Variants in EDEM2 observed in about 807,000 individuals in gnomAD.
The protein encoded by EDEM2 is ER degradation enhancing alpha-mannosidase like protein 2.
Under a neutral mutation model 64.8 loss-of-function variants are expected in EDEM2, and 39 were observed. The ratio of observed to expected loss-of-function variants is 0.60; its 90% CI spans 0.47 to 0.79. EDEM2 has a LOEUF of 0.79. Among genes scored for constraint, EDEM2 ranks in the 30% least tolerant of loss-of-function variants. The pLI, the probability that EDEM2 is intolerant of heterozygous loss-of-function variation, is 0.00. For synonymous variants in EDEM2, 296 were observed against 291.5 expected (o/e 1.02, Z -0.16); for missense variants, 609 against 731.3 (o/e 0.83, Z 1.93).
chr20:35,122,770 T>C (rs1304720450), intron 9 of EDEM2, among the ~76,000 whole-genome samples: 1 of 152,220 alleles, frequency 6.6e-6, no homozygotes, highest in Admixed American at 6.5e-5. Context: ...AATTTGCTCT[T>C]TATTCCCTCT....
At chr20:35,120,226 C>G (rs1244508485) in intron 9 of EDEM2, among the ~76,000 whole-genome samples, 1 of 152,178 alleles carries the variant, frequency 6.6e-6, no homozygotes, top group Non-Finnish European at 1.5e-5. Context: ...CCAGCCCTGA[C>G]TAATTTTTGT....
At position 35,147,280 on chromosome 20, in the gene EDEM2, C is replaced by G; in HGVS notation, c.-22G>C. On this transcript the variant is annotated 5_prime_UTR_variant, in exon 1 of 11. Coordinates refer to ENST00000374492, the MANE Select transcript of EDEM2 (RefSeq NM_018217.3). Reference sequence around the variant, plus strand: ...GCATAGAGCTCGTGTCCTCTCAGCGCCCCCGCAGCAGCAGCAGCCACTGCA... The same window carrying G: ...GCATAGAGCTCGTGTCCTCTCAGCGGCCCCGCAGCAGCAGCAGCCACTGCA... 6.7e-7 allele frequency: 1 copy of G among 1,499,188 alleles called. No individual in the cohort carries two copies. The highest frequency in any genetic ancestry group is 8.9e-7 in the Non-Finnish European group (1 of 1,121,226). 92.9% of individuals were successfully genotyped at this position (1,499,188 alleles called of 1,614,324 possible). A position where few individuals can be genotyped will look rare whatever the true frequency, so the allele number is the denominator to read the frequency against.
At position 35,134,901 on chromosome 20, in the gene EDEM2, T is replaced by C; in HGVS notation, c.539A>G (p.His180Arg). The C allele has an allele frequency of 6.2e-7, 1 of 1,614,166 alleles. No homozygotes were observed. Among genetic ancestry groups the C allele is most frequent in the South Asian group, 1.1e-5 (1 of 91,082 alleles). ...GMPYGTVNLL[H>R]GVNPGETPVT... is the part of the protein sequence containing the mutation. ...AGGGGTCTCTCCTGGGTTCACGCCA[T>C]GAAGTAAGTTCACTGTTCCATATGG... Residue 180 changes from histidine (H) to arginine (R), a missense_variant, in exon 6 of 11, where the codon CAT (histidine) becomes CGT (arginine). Transcript: ENST00000374492.
In EDEM2 at chr20:35,126,391, T is replaced by C. The variant is rs747112085; in HGVS notation, c.845-16A>G. ...TTGTTATACTCTGCAGTGGGGGAGA[T>C]GGGATAATGGACATATGAGTGATTA... is the stretch of plus-strand genomic sequence containing the variant. On this transcript the variant is annotated splice_polypyrimidine_tract_variant and intron_variant, in intron 7 of 10. Coordinates refer to ENST00000374492, the MANE Select transcript of EDEM2 (RefSeq NM_018217.3). 4 of 1,612,900 alleles carry C rather than the reference T, an allele frequency of 2.5e-6. No homozygotes were observed. In the East Asian group the frequency reaches 8.9e-5, roughly 36 times the overall value.
At chr20:35,142,502 C>T in intron 3 of EDEM2, 24 bp from the exon 4 acceptor site, 1 of 1,565,828 alleles carries the variant, frequency 6.4e-7, no homozygotes, top group Non-Finnish European at 8.8e-7. Flanking sequence ...AGAGACCTGA[C>T]AATGAGGCTC....
At chr20:35,135,008 T>C (rs1229748697) in intron 5 of EDEM2, 59 bp from the exon 6 acceptor site, 1 of 1,548,250 alleles carries the variant, frequency 6.5e-7, no homozygotes, top group African/African-American at 1.4e-5. Flanking sequence ...ATAGTTCTGA[T>C]ACACGCCCAA....
Position 35,118,635 on chromosome 20 carries a change from A to G in EDEM2, c.1199T>C (p.Ile400Thr), listed in dbSNP as rs755830237. Reference sequence around the variant, plus strand: ...GCACTCCACCTTGCTGATTTTTTCAATGGATTCCACAGCATCTCTTCCGAG... The same window carrying G: ...GCACTCCACCTTGCTGATTTTTTCAGTGGATTCCACAGCATCTCTTCCGAG... ...LELGRDAVES[I>T]EKISKVECGF... is the part of the protein sequence containing the mutation. The change falls in exon 10 of 11, where the codon ATT becomes ACT. Residue 400 changes from isoleucine to threonine, a missense_variant. Ile to Thr is a moderately conservative substitution (Grantham distance 89). Coordinates refer to ENST00000374492, the MANE Select transcript of EDEM2 (RefSeq NM_018217.3). 2.5e-6 allele frequency: 4 copies of G among 1,614,024 alleles called. No homozygotes were observed. The highest frequency in any genetic ancestry group is 3.4e-6 in the Non-Finnish European group (4 of 1,179,984).
intron 4 of EDEM2, 101 bp from the exon 5 acceptor site, chr20:35,138,106 G>A: frequency 6.8e-7 from 1 of 1,472,704 alleles, no homozygotes. Context: ...CTCTATTGTG[G>A]GGCGCATGTT....
At chr20:35,137,085 T>C (rs115129220) in intron 5 of EDEM2, among the ~76,000 whole-genome samples, 95 of 152,208 alleles carry the variant, frequency 6.2e-4, no homozygotes, top group African/African-American at 2.3e-3. Context: ...GGTAGGGAAG[T>C]AGAAATTATG....
intron 7 of EDEM2, among the ~76,000 whole-genome samples, chr20:35,128,161 G>A (rs1473717019): frequency 2.0e-5 from 3 of 151,966 alleles, no homozygotes; most frequent in African/African-American, 4.8e-5. Flanking sequence ...CGAGGTGGGC[G>A]GATCACGAGG....
At chr20:35,141,117 C>T (rs1432712606) in intron 4 of EDEM2, among the ~76,000 whole-genome samples, 3 of 85,474 alleles carry the variant, frequency 3.5e-5, no homozygotes, top group Non-Finnish European at 6.3e-5. Context: ...GAGACTCCGC[C>T]TCAAAAAAAA....
At chr20:35,118,972 T>C (rs1009384222) in intron 9 of EDEM2, among the ~76,000 whole-genome samples, 1 of 152,186 alleles carries the variant, frequency 6.6e-6, no homozygotes, top group African/African-American at 2.4e-5. Context: ...GGTTCTGGCA[T>C]AGAGAAGGTG....
At chr20:35,145,488 G>A (rs924712206) in intron 2 of EDEM2, among the ~76,000 whole-genome samples, 22 of 152,152 alleles carry the variant, frequency 1.4e-4, no homozygotes, top group Non-Finnish European at 2.4e-4. Context: ...CAAAAAGATT[G>A]TTATCAAGAC....
At chr20:35,142,711 G>A (rs1284096594) in intron 3 of EDEM2, among the ~76,000 whole-genome samples, 4 of 152,154 alleles carry the variant, frequency 2.6e-5, no homozygotes, top group African/African-American at 7.2e-5. Context: ...TCACGATGTT[G>A]TCATTTAAAT....
intron 2 of EDEM2, among the ~76,000 whole-genome samples, chr20:35,145,503 A>C (rs1183220328): frequency 6.6e-6 from 1 of 152,250 alleles, no homozygotes; most frequent in Non-Finnish European, 1.5e-5. Context: ...CAAGACTTCT[A>C]TGTGCTGATG....
intron 8 of EDEM2, 105 bp from the exon 9 acceptor site, chr20:35,124,139 A>T (rs1230873824): frequency 7.1e-7 from 1 of 1,403,282 alleles, no homozygotes; most frequent in East Asian, 2.3e-5. Context: ...AAAGGCCTTG[A>T]ATCAATCCCT....
chr20:35,122,568 T>C (rs1247755344), intron 9 of EDEM2, among the ~76,000 whole-genome samples: 2 of 151,922 alleles, frequency 1.3e-5, no homozygotes, highest in Non-Finnish European at 2.9e-5. Context: ...GAGATGGGGT[T>C]TCACCATGTT....
chr20:35,146,490 T>C (rs6060268), intron 2 of EDEM2, among the ~76,000 whole-genome samples: 72,609 of 151,828 alleles, frequency 0.48, 17,924 homozygotes, highest in African/African-American at 0.59. Context: ...CCCACCTACA[T>C]AATGAAAGGG....
In EDEM2 at chr20:35,115,802, C is replaced by T. The variant is rs746681749; in HGVS notation, c.1368G>A (p.Ala456=). The T allele has an allele frequency of 2.7e-5, 44 of 1,613,732 alleles. No homozygotes were observed. Among genetic ancestry groups the T allele is most frequent in the South Asian group, 4.4e-5 (4 of 91,084 alleles). ...FIHNNGSTFD[A]VITPYGECIL... is the part of the protein sequence containing the mutation. Reference sequence around the variant, plus strand: ...TGCACTCCCCATAGGGGGTGATCACCGCGTCGAAGGTGGACCCATTGTTGT... The same window carrying T: ...TGCACTCCCCATAGGGGGTGATCACTGCGTCGAAGGTGGACCCATTGTTGT... The change falls in exon 11 of 11, where the codon GCG becomes GCA. Residue 456 remains alanine, a synonymous_variant. Transcript: ENST00000374492.
Sources: allele counts gnomAD v4.1 joint callset (sites outside exome capture counted in the v4.1 genomes callset), GRCh38; gene constraint gnomAD v4.1.1; transcripts MANE v1.5; gene names NCBI Gene and HGNC (gene_info 2026-07-23, HGNC 2026-07-21).